The following MYH10 variants were observed in gnomAD, a reference collection of about 807,000 sequenced individuals.
MYH10 encodes myosin-10.
MYH10 carries 55 observed loss-of-function variants against 257.8 expected under a neutral mutation model. The ratio of observed to expected loss-of-function variants is 0.21; its 90% CI spans 0.17 to 0.27. The LOEUF (loss-of-function observed/expected upper bound fraction) is 0.27. Ranked by LOEUF, MYH10 falls within the 10% of genes least tolerant of loss-of-function variation. The pLI is 1.00. For missense variants in MYH10, 1,631 were observed against 2,500.6 expected (o/e 0.65, Z 7.42); for synonymous variants, 854 against 921.7 (o/e 0.93, Z 1.33).
At chr17:8,568,717 C>CT (rs998268927) in intron 7 of MYH10, among the ~76,000 whole-genome samples, 33 of 152,048 alleles carry the variant, frequency 2.2e-4, no homozygotes, top group African/African-American at 8.0e-4. Context: ...AAAAGACTTA[C>CT]TGGAGGAATG....
intron 16 of MYH10, among the ~76,000 whole-genome samples, chr17:8,534,022 G>C (rs899547482): frequency 3.3e-5 from 5 of 152,046 alleles, no homozygotes; most frequent in Non-Finnish European, 5.9e-5. Flanking sequence ...TGTAGACCCC[G>C]TAACAACAAC....
intron 2 of MYH10, among the ~76,000 whole-genome samples, chr17:8,611,050 G>A (rs978514523): frequency 2.6e-5 from 4 of 152,226 alleles, no homozygotes; most frequent in Non-Finnish European, 5.9e-5. Flanking sequence ...CTGAGAAGAT[G>A]CTAAGCAGAG....
At position 8,501,967 on chromosome 17, in the gene MYH10, G is replaced by A. The variant is rs181142102; in HGVS notation, c.3600-997C>T. Among the ~76,000 whole-genome samples, 6 of 152,274 alleles carry A rather than the reference G, an allele frequency of 3.9e-5. No homozygotes were observed. In the East Asian group the frequency reaches 9.6e-4, roughly 24 times the overall value. ...CTCTAAATTTGTTAATCTGAGCACC[G>A]TGTTTAAGCACGAGCTTGATGAAGA... On this transcript the variant is annotated intron_variant, in intron 28 of 42. Transcript: ENST00000360416.
intron 33 of MYH10, 122 bp from the exon 34 acceptor site, chr17:8,492,631 CTTTTTTTTTT>C: frequency 1.1e-6 from 1 of 949,304 alleles, no homozygotes; most frequent in Non-Finnish European, 1.5e-6. Context: ...CTTGTATTTC[CTTTTTTTTTT>C]TTTTTTTGCT....
chr17:8,509,346 T>G (rs1183978992), intron 25 of MYH10, among the ~76,000 whole-genome samples: 1 of 152,220 alleles, frequency 6.6e-6, no homozygotes, highest in Non-Finnish European at 1.5e-5. Flanking sequence ...CACTCTATGA[T>G]GTTTGTACGA....
rs147074040 is a variant in MYH10 at position 8,521,975 on chromosome 17, G to A, written c.1958-690C>T. Among the ~76,000 whole-genome samples, 1,234 of 152,278 alleles carry A rather than the reference G, an allele frequency of 8.1e-3. 20 individuals are homozygous for A. Among genetic ancestry groups the A allele is most frequent in the African/African-American group, 0.027 (1,129 of 41,540 alleles). ...TCCTAGGTGTTCAATGGCTAAACTT[G>A]TCAGACATTCCCTTGTTACAGCAAC... is the stretch of plus-strand genomic sequence containing the variant. On this transcript the variant is annotated intron_variant, in intron 17 of 42. Coordinates refer to ENST00000360416, the MANE Select transcript of MYH10 (RefSeq NM_001256012.3).
intron 3 of MYH10, among the ~76,000 whole-genome samples, chr17:8,596,566 C>T (rs2084379360): frequency 6.7e-6 from 1 of 150,018 alleles, no homozygotes; most frequent in Admixed American, 6.8e-5. Context: ...AGTCCTTCAA[C>T]TTGCTTTCTC....
In MYH10 at chr17:8,504,924, C is replaced by T. The variant is rs773780150; in HGVS notation, c.3387-18G>A. The T allele has an allele frequency of 1.6e-5, 26 of 1,609,346 alleles. No homozygotes were observed. In the Admixed American group the frequency reaches 1.8e-4, roughly 11 times the overall value. ...CATCACCTCTGTTAAAACACCCAGG[C>T]GCAAGAGGCACTCAGAGATGGCACC... On this transcript the variant is annotated intron_variant, in intron 27 of 42. Transcript: ENST00000360416. The surrounding 1 kb of genome is among the most constrained non-coding windows in gnomAD (Gnocchi z 5.6).
chr17:8,475,867 G>A lies in MYH10; in HGVS notation c.5961C>T (p.Ser1987=), dbSNP rs751540483. 16 of 1,614,190 alleles carry A rather than the reference G, an allele frequency of 9.9e-6. No homozygotes were observed. Among genetic ancestry groups the A allele is most frequent in the South Asian group, 2.2e-5 (2 of 91,084 alleles). The change falls in exon 43 of 43, where the codon TCC becomes TCT. Residue 1987 remains serine, a synonymous_variant. Coordinates refer to ENST00000360416, the MANE Select transcript of MYH10 (RefSeq NM_001256012.3). ...LHLEGASLEL[S]DDDTESKTSD... ...TGGTCTTACTTTCTGTGTCATCGTC[G>A]GAGAGCTCCAGGGAAGCTCCTTCAA...
intron 34 of MYH10, among the ~76,000 whole-genome samples, chr17:8,491,542 T>C (rs76210664): frequency 0.021 from 3,199 of 152,288 alleles, 113 homozygotes; most frequent in African/African-American, 0.072. Flanking sequence ...TAGAGGACTT[T>C]GTGTGCTTTT....
At chr17:8,499,562 G>T (rs1917193095) in intron 29 of MYH10, 86 bp from the exon 30 acceptor site, 6 of 1,206,228 alleles carry the variant, frequency 5.0e-6, no homozygotes, top group South Asian at 2.6e-5. Context: ...GCAGAATTGT[G>T]CCTAACACAC....
chr17:8,567,091 T>C (rs760422147), intron 7 of MYH10, among the ~76,000 whole-genome samples: 20 of 152,188 alleles, frequency 1.3e-4, no homozygotes, highest in Non-Finnish European at 1.8e-4. Flanking sequence ...ATACCAAAGC[T>C]GGCAGCTCAC....
At chr17:8,534,327 T>C (rs2082082385) in intron 16 of MYH10, among the ~76,000 whole-genome samples, 1 of 152,358 alleles carries the variant, frequency 6.6e-6, no homozygotes, top group Non-Finnish European at 1.5e-5. Flanking sequence ...CTCTTTGCTA[T>C]GTCTCAGGCC....
At chr17:8,530,181 A>C (rs919487467) in intron 17 of MYH10, among the ~76,000 whole-genome samples, 13 of 152,322 alleles carry the variant, frequency 8.5e-5, no homozygotes, top group African/African-American at 2.6e-4. Context: ...TCTTAAATAC[A>C]AGAAAAAAAT....
chr17:8,612,578 C>T (rs925399213), intron 2 of MYH10, among the ~76,000 whole-genome samples: 5 of 152,090 alleles, frequency 3.3e-5, no homozygotes, highest in East Asian at 1.9e-4. Flanking sequence ...TGGCCAGGTG[C>T]GGTGGCTCAC....
chr17:8,508,124 A>G (rs2081135111), intron 26 of MYH10, among the ~76,000 whole-genome samples: 1 of 152,186 alleles, frequency 6.6e-6, no homozygotes, highest in Non-Finnish European at 1.5e-5. Flanking sequence ...AGCTCACTAC[A>G]GTGAGCTCCT....
intron 6 of MYH10, among the ~76,000 whole-genome samples, chr17:8,574,162 C>T (rs888336727): frequency 1.3e-5 from 2 of 152,020 alleles, no homozygotes; most frequent in East Asian, 1.9e-4. Flanking sequence ...ATAAACAGAA[C>T]GTGACACATA....
At chr17:8,496,746 G>C (rs1019501208) in intron 30 of MYH10, among the ~76,000 whole-genome samples, 1 of 152,192 alleles carries the variant, frequency 6.6e-6, no homozygotes, top group African/African-American at 2.4e-5. Flanking sequence ...ACCCTCCTTC[G>C]AAAGGCCTGC....
chr17:8,563,462 C>G (rs2083061472), intron 7 of MYH10, among the ~76,000 whole-genome samples: 1 of 152,156 alleles, frequency 6.6e-6, no homozygotes, highest in African/African-American at 2.4e-5. Context: ...CCTCCCCAAT[C>G]CGGGGTCAAG....
Sources: gnomAD v4.1 joint callset for allele counts (sites outside exome capture counted in the v4.1 genomes callset) on GRCh38, gnomAD v4.1.1 for gene constraint, Gnocchi (gnomAD v3.1) non-coding constraint, MANE v1.5 for transcripts, NCBI Gene and HGNC (gene_info 2026-07-23, HGNC 2026-07-21) for gene names.